Variants in CASR observed in about 807,000 individuals in gnomAD.
The protein encoded by CASR is extracellular calcium-sensing receptor.
A neutral mutation model predicts 69.1 loss-of-function variants in CASR; 23 were observed. That is an observed-to-expected ratio of 0.33 (90% CI 0.24 to 0.47). The LOEUF is 0.47. CASR is among the 20% of genes least tolerant of loss of function. CASR has a pLI of 1.00. For missense variants in CASR, 924 were observed against 1,356.1 expected, an observed-to-expected ratio of 0.68 and a Z score of 5.00; for synonymous variants, 541 against 544.7, an observed-to-expected ratio of 0.99 and a Z score of 0.10.
intron 4 of CASR, among the ~76,000 whole-genome samples, chr3:122,273,999 G>A (rs1390963236): frequency 6.6e-6 from 1 of 152,170 alleles, no homozygotes; most frequent in African/African-American, 2.4e-5. Flanking sequence ...ACGGCCTTAA[G>A]GCCTCAGTAA....
In CASR at chr3:122,283,794, A is replaced by T. The variant is rs201564925; in HGVS notation, c.1840A>T (p.Ile614Phe). 68 of 1,613,982 alleles carry T rather than the reference A, an allele frequency of 4.2e-5. No homozygotes were observed. The highest frequency in any genetic ancestry group is 5.7e-5 in the Non-Finnish European group (67 of 1,180,028). ...EFLSWTEPFG[I>F]ALTLFAVLGI... ...TCTGTCGTGGACGGAGCCCTTTGGG[A>T]TCGCACTCACCCTCTTTGCCGTGCT... is the stretch of plus-strand genomic sequence containing the variant. Residue 614 changes from isoleucine (I) to phenylalanine (F), a missense_variant, in exon 7 of 7, where the codon ATC becomes TTC. Ile to Phe is a conservative substitution (Grantham distance 21, BLOSUM62 0). Coordinates refer to ENST00000639785, the MANE Select transcript of CASR (RefSeq NM_000388.4).
intron 4 of CASR, among the ~76,000 whole-genome samples, chr3:122,267,949 C>T (rs1435863538): frequency 6.6e-6 from 1 of 152,156 alleles, no homozygotes; most frequent in Non-Finnish European, 1.5e-5. Flanking sequence ...TCTCAACCTA[C>T]ATTTTATACC....
At chr3:122,222,627 C>T (rs898950318) in intron 1 of CASR, among the ~76,000 whole-genome samples, 1 of 152,036 alleles carries the variant, frequency 6.6e-6, no homozygotes, top group Admixed American at 6.6e-5. Flanking sequence ...GTGGGAGACT[C>T]CAACACCCCA....
rs999373282 is a variant in CASR, at chr3:122,286,800, C to A, written c.*1609C>A. ...CAGGAGGTTCTAAGCTGAGGCCAAA[C>A]CATTGCAATTAAATCTCCTGAAGCC... On this transcript the variant is annotated 3_prime_UTR_variant, in exon 7 of 7. Coordinates refer to ENST00000639785, the MANE Select transcript of CASR (RefSeq NM_000388.4). 1.3e-5 allele frequency: 2 copies of A among 152,258 alleles called. No homozygotes were observed. The allele number at this position is 152,258 out of a possible 1,614,324, so 9.4% of individuals were successfully genotyped here.
intron 1 of CASR, among the ~76,000 whole-genome samples, chr3:122,242,165 C>T (rs1024184999): frequency 1.7e-4 from 26 of 151,964 alleles, no homozygotes; most frequent in African/African-American, 5.8e-4. Context: ...AACATAGTAC[C>T]GGAGTTCCTA....
In CASR at chr3:122,194,986, C is replaced by T. The variant is rs543757166; in HGVS notation, c.-243+11174C>T. ...CCTCCTTTCTTCTTCTTACTTTTTCCTCCTCCTCCTCCTACTTCCTGCTCC... is the reference window on the plus strand; with the variant it reads ...CCTCCTTTCTTCTTCTTACTTTTTCTTCCTCCTCCTCCTACTTCCTGCTCC... On this transcript the variant is annotated intron_variant, in intron 1 of 6. Coordinates refer to ENST00000639785, the MANE Select transcript of CASR (RefSeq NM_000388.4). Among the ~76,000 whole-genome samples the T allele has an allele frequency of 3.1e-5, 4 of 129,762 alleles. No individual in the cohort carries two copies. In the East Asian group the frequency reaches 8.6e-4, roughly 28 times the overall value. 85.1% of individuals were successfully genotyped at this position (129,762 alleles called of 152,430 possible).
intron 5 of CASR, 107 bp from the exon 6 acceptor site, chr3:122,282,005 TG>T: frequency 1.3e-6 from 2 of 1,529,420 alleles, no homozygotes; most frequent in Non-Finnish European, 1.8e-6. Flanking sequence ...TCTGTCACAC[TG>T]ATTCTTGTGC....
chr3:122,252,362 A>AGAAAGAAGGAAGGAAG lies in CASR; in HGVS notation c.-242-1583_-242-1582insAGAAGGAAGGAAGGAA, dbSNP rs1281272520. 7.6e-4 allele frequency among the ~76,000 whole-genome samples: 20 copies of AGAAAGAAGGAAGGAAG among 26,256 alleles called. No homozygotes were observed. In the East Asian group the frequency reaches 0.012, roughly 16 times the overall value. The allele number at this position is 26,256 out of a possible 152,430, so 17.2% of individuals were successfully genotyped here. ...AAAGAAAGAAGAAAGAAAGAAAGAA[A>AGAAAGAAGGAAGGAAG]GAAGGAAGGAAGGAAGGAAGGAAGG... On this transcript the variant is annotated intron_variant, in intron 1 of 6. Coordinates refer to ENST00000639785, the MANE Select transcript of CASR (RefSeq NM_000388.4).
intron 1 of CASR, among the ~76,000 whole-genome samples, chr3:122,246,159 G>A (rs1478193176): frequency 6.6e-6 from 1 of 152,126 alleles, no homozygotes; most frequent in East Asian, 1.9e-4. Flanking sequence ...CTGTATTTTA[G>A]ATTAATGACC....
intron 1 of CASR, among the ~76,000 whole-genome samples, chr3:122,209,729 A>G (rs908141872): frequency 6.6e-6 from 1 of 152,222 alleles, no homozygotes; most frequent in East Asian, 1.9e-4. Context: ...ACTTCTCCCT[A>G]ACTCATTTTA....
intron 1 of CASR, among the ~76,000 whole-genome samples, chr3:122,195,786 G>A (rs1277232185): frequency 6.6e-6 from 1 of 152,112 alleles, no homozygotes; most frequent in Non-Finnish European, 1.5e-5. Context: ...AAAGCCCATA[G>A]TCAAAAATGT....
chr3:122,267,184 G>GTA (rs2074704743), intron 4 of CASR, among the ~76,000 whole-genome samples: 2 of 152,112 alleles, frequency 1.3e-5, no homozygotes, highest in South Asian at 4.1e-4. Flanking sequence ...TTAAAGGCAA[G>GTA]ATATTATGCA....
intron 1 of CASR, among the ~76,000 whole-genome samples, chr3:122,193,174 A>G (rs114335844): frequency 0.022 from 2,888 of 132,002 alleles, 39 homozygotes; most frequent in South Asian, 0.061. Flanking sequence ...TCATTCTCCT[A>G]TTCTTTCATT....
At chr3:122,281,338 T>G (rs1226287417) in intron 5 of CASR, among the ~76,000 whole-genome samples, 2 of 152,250 alleles carry the variant, frequency 1.3e-5, no homozygotes, top group Non-Finnish European at 2.9e-5. Context: ...TGCAAATAAC[T>G]ACAGTTTTAT....
chr3:122,245,718 G>A (rs2074421618), intron 1 of CASR, among the ~76,000 whole-genome samples: 1 of 152,088 alleles, frequency 6.6e-6, no homozygotes. Context: ...GTTTTAGGTG[G>A]TAGATTAATT....
chr3:122,192,477 C>T (rs553304407), intron 1 of CASR, among the ~76,000 whole-genome samples: 1 of 152,354 alleles, frequency 6.6e-6, no homozygotes, highest in South Asian at 2.1e-4. Context: ...ATTCCATTTA[C>T]TGTGACTGTA....
In CASR at chr3:122,254,184, A is replaced by G; in HGVS notation, c.-6A>G. On this transcript the variant is annotated 5_prime_UTR_variant, in exon 2 of 7. Coordinates refer to ENST00000639785, the MANE Select transcript of CASR (RefSeq NM_000388.4). ...TCATCCCTTGCCCTGGAGAGACGGC[A>G]GAACCATGGCATTTTATAGCTGCTG... 1.2e-5 allele frequency: 20 copies of G among 1,612,600 alleles called. No homozygotes were observed. Among genetic ancestry groups the G allele is most frequent in the Non-Finnish European group, 1.6e-5 (19 of 1,179,996 alleles).
chr3:122,266,860 C>A (rs111437310), intron 4 of CASR, among the ~76,000 whole-genome samples: 1 of 151,888 alleles, frequency 6.6e-6, no homozygotes, highest in Non-Finnish European at 1.5e-5. Flanking sequence ...AAAAATTAGC[C>A]GGGTGTGGTG....
chr3:122,205,675 A>G (rs1437847316), intron 1 of CASR, among the ~76,000 whole-genome samples: 3 of 152,108 alleles, frequency 2.0e-5, no homozygotes, highest in East Asian at 1.9e-4. Flanking sequence ...CACTTTAACA[A>G]TAACAATTCT....
Sources: allele counts gnomAD v4.1 joint callset (sites outside exome capture counted in the v4.1 genomes callset), GRCh38; gene constraint gnomAD v4.1.1; transcripts MANE v1.5; gene names NCBI Gene and HGNC (gene_info 2026-07-23, HGNC 2026-07-21).